NDUFAB1: variants seen among roughly 807,000 people sequenced by gnomAD.
The protein encoded by NDUFAB1 is acyl carrier protein, mitochondrial.
In NDUFAB1, 5 loss-of-function variants were observed where a neutral mutation model predicts 16.1. The observed-to-expected ratio is 0.31, with a 90% CI of 0.16 to 0.65. The LOEUF (loss-of-function observed/expected upper bound fraction) is 0.65. Ranked by LOEUF, NDUFAB1 falls within the 30% of genes least tolerant of loss-of-function variation. The probability of loss-of-function intolerance (pLI) is 0.77; values close to 1 mark genes in which losing one functional copy is unlikely to be tolerated. For missense variants in NDUFAB1, 187 were observed against 205.3 expected, an observed-to-expected ratio of 0.91 and a Z score of 0.54; for synonymous variants, 85 against 78.4, an observed-to-expected ratio of 1.08 and a Z score of -0.44.
chr16:23,594,172 C>T (rs900148497), intron 1 of NDUFAB1, among the ~76,000 whole-genome samples: 1 of 151,874 alleles, frequency 6.6e-6, no homozygotes, highest in African/African-American at 2.4e-5. Context: ...TGAGCCATCG[C>T]GCCTGGCCTT....
At chr16:23,585,218 G>T in intron 3 of NDUFAB1, 118 bp downstream of exon 3, 1 of 726,890 alleles carries the variant, frequency 1.4e-6, no homozygotes, top group Middle Eastern at 2.4e-4. Flanking sequence ...AAGGGCAGTG[G>T]ATGCTACTGT....
Position 23,587,330 on chromosome 16 carries a change from G to C in NDUFAB1, c.169-11C>G, listed in dbSNP as rs570101434. The C allele has an allele frequency of 1.1e-5, 18 of 1,612,174 alleles. No homozygotes were observed. The highest frequency in any genetic ancestry group is 1.4e-5 in the Non-Finnish European group (17 of 1,179,352). ...AACTCTACCAGGAACCTAGAGCGAC[G>C]GCAGGAAGGAAACACTGTCATTGAA... On this transcript the variant is annotated splice_polypyrimidine_tract_variant and intron_variant, in intron 1 of 4. Coordinates refer to ENST00000007516, the MANE Select transcript of NDUFAB1 (RefSeq NM_005003.3).
intron 1 of NDUFAB1, chr16:23,595,449 G>A (rs1450963480): frequency 2.5e-6 from 1 of 398,674 alleles, no homozygotes; most frequent in South Asian, 1.8e-5. Flanking sequence ...CAGCCTTGCA[G>A]AATCCGCTTA....
At chr16:23,592,410 T>C (rs1350894149) in intron 1 of NDUFAB1, among the ~76,000 whole-genome samples, 1 of 151,342 alleles carries the variant, frequency 6.6e-6, no homozygotes, top group Non-Finnish European at 1.5e-5. Context: ...CAGCTCATGT[T>C]GGGAGATGGT....
chr16:23,582,466 G>A (rs1966188339), intron 3 of NDUFAB1, 91 bp from the exon 4 acceptor site: 1 of 1,366,740 alleles, frequency 7.3e-7, no homozygotes, highest in Non-Finnish European at 9.4e-7. Context: ...ACAGCTACAA[G>A]TATATCAAAA....
chr16:23,592,516 C>T lies in NDUFAB1; in HGVS notation c.168+3607G>A, dbSNP rs1476721811. Among the ~76,000 whole-genome samples the T allele has an allele frequency of 2.0e-5, 3 of 152,018 alleles. No homozygotes were observed. The East Asian group carries it at 5.8e-4, about 29-fold the overall frequency. On this transcript the variant is annotated intron_variant, in intron 1 of 4. Transcript: ENST00000007516. ...GACTGGGACTTTGTCTGGTCCTGGT[C>T]CCAGTCCTGGAATAGCTAGCTTTTT...
At chr16:23,594,685 A>G (rs1194255888) in intron 1 of NDUFAB1, among the ~76,000 whole-genome samples, 2 of 149,426 alleles carry the variant, frequency 1.3e-5, no homozygotes, top group Non-Finnish European at 1.5e-5. Flanking sequence ...ACGGGGTTCC[A>G]CCATGTTGCC....
intron 1 of NDUFAB1, among the ~76,000 whole-genome samples, chr16:23,593,797 A>C (rs1422228092): frequency 6.6e-6 from 1 of 152,200 alleles, no homozygotes; most frequent in Non-Finnish European, 1.5e-5. Flanking sequence ...CAATGTTGAA[A>C]TCAATCTTAG....
At chr16:23,595,499 C>T (rs1966316653) in intron 1 of NDUFAB1, 1 of 445,554 alleles carries the variant, frequency 2.2e-6, no homozygotes, top group Non-Finnish European at 4.5e-6. Flanking sequence ...GGCGGCACAT[C>T]CCGTAAATAC....
intron 3 of NDUFAB1, 38 bp downstream of exon 3, chr16:23,585,298 C>T (rs199613385): frequency 6.9e-7 from 1 of 1,445,292 alleles, no homozygotes; most frequent in East Asian, 2.3e-5. Flanking sequence ...CCACCTTAAT[C>T]AAAAATCGCA....
chr16:23,584,288 C>A (rs541325215), intron 3 of NDUFAB1, among the ~76,000 whole-genome samples: 1 of 99,940 alleles, frequency 1.0e-5, no homozygotes, highest in Admixed American at 9.7e-5. Flanking sequence ...ACCCAGTGCC[C>A]GTCAGCAGTC....
At chr16:23,593,400 G>A (rs1047070442) in intron 1 of NDUFAB1, among the ~76,000 whole-genome samples, 6 of 152,194 alleles carry the variant, frequency 3.9e-5, no homozygotes, top group Non-Finnish European at 8.8e-5. Context: ...GCTGCAAAGC[G>A]TTCAATGAAG....
At chr16:23,589,990 T>C (rs959635740) in intron 1 of NDUFAB1, among the ~76,000 whole-genome samples, 3 of 147,168 alleles carry the variant, frequency 2.0e-5, no homozygotes, top group African/African-American at 7.6e-5. Flanking sequence ...CCAGGTGTGG[T>C]GGCTCACGCC....
At chr16:23,585,555 A>C (rs1966225252) in intron 2 of NDUFAB1, 132 bp from the exon 3 acceptor site, 3 of 651,384 alleles carry the variant, frequency 4.6e-6, no homozygotes, top group Non-Finnish European at 8.1e-6. Flanking sequence ...GTACATGTGC[A>C]CAACGTGCAG....
At chr16:23,596,023 C>T in intron 1 of NDUFAB1, 100 bp downstream of exon 1, 1 of 1,420,216 alleles carries the variant, frequency 7.0e-7, no homozygotes, top group African/African-American at 1.5e-5. Flanking sequence ...CCCCGGGTCA[C>T]CCCTGCCTGC....
chr16:23,585,934 T>G (rs1348148127), intron 2 of NDUFAB1, among the ~76,000 whole-genome samples: 1 of 152,230 alleles, frequency 6.6e-6, no homozygotes, highest in Non-Finnish European at 1.5e-5. Flanking sequence ...ATGTTGTCTG[T>G]TTTTTGGTTT....
At chr16:23,593,521 A>G (rs1021053061) in intron 1 of NDUFAB1, among the ~76,000 whole-genome samples, 22 of 152,178 alleles carry the variant, frequency 1.4e-4, no homozygotes, top group African/African-American at 5.3e-4. Flanking sequence ...AGTCAAAACC[A>G]CTTTGTAAAT....
intron 1 of NDUFAB1, among the ~76,000 whole-genome samples, chr16:23,591,319 A>G (rs1171598396): frequency 6.6e-6 from 1 of 152,204 alleles, no homozygotes; most frequent in Admixed American, 6.5e-5. Context: ...GTTTGCAGGT[A>G]AAGAGTGATG....
intron 1 of NDUFAB1, among the ~76,000 whole-genome samples, chr16:23,589,006 A>C (rs141556657): frequency 2.0e-5 from 3 of 152,196 alleles, no homozygotes; most frequent in Non-Finnish European, 4.4e-5. Flanking sequence ...TCAGTTATTA[A>C]AATCAGGTTT....
Sources: gnomAD v4.1 joint callset for allele counts (sites outside exome capture counted in the v4.1 genomes callset) on GRCh38, gnomAD v4.1.1 for gene constraint, MANE v1.5 for transcripts, NCBI Gene and HGNC (gene_info 2026-07-23, HGNC 2026-07-21) for gene names.